SEMA6A: variants seen among roughly 807,000 people sequenced by gnomAD.
The protein encoded by SEMA6A is semaphorin 6A.
A neutral mutation model predicts 96.8 loss-of-function variants in SEMA6A; 25 were observed. That is an observed-to-expected ratio of 0.26 (90% CI 0.19 to 0.36). The LOEUF is 0.36. Ranked by LOEUF, SEMA6A falls within the 10% of genes least tolerant of loss-of-function variation. The probability of loss-of-function intolerance (pLI) is 1.00; values close to 1 mark genes in which losing one functional copy is unlikely to be tolerated. For synonymous variants in SEMA6A, 612 were observed against 518.0 expected (o/e 1.18, Z -2.46); for missense variants, 1,363 against 1,323.1 (o/e 1.03, Z -0.47).
chr5:116,540,661 A>G (rs17140061), intron 1 of SEMA6A, among the ~76,000 whole-genome samples: 5,716 of 152,204 alleles, frequency 0.038, 161 homozygotes, highest in Admixed American at 0.074. Flanking sequence ...AGCATCCCTC[A>G]TATTTCCTAT....
At chr5:116,473,491 A>T (rs1455958570) in intron 16 of SEMA6A, among the ~76,000 whole-genome samples, 2 of 152,178 alleles carry the variant, frequency 1.3e-5, no homozygotes, top group Non-Finnish European at 2.9e-5. Context: ...TTTTTACTTC[A>T]TCCTCACAAC....
chr5:116,501,605 A>G (rs1392415807), intron 3 of SEMA6A, among the ~76,000 whole-genome samples: 3 of 152,242 alleles, frequency 2.0e-5, no homozygotes, highest in Non-Finnish European at 4.4e-5. Flanking sequence ...AATAAGTATT[A>G]GGCCAGATGA....
intron 1 of SEMA6A, among the ~76,000 whole-genome samples, chr5:116,563,872 A>C (rs1413141244): frequency 6.6e-6 from 1 of 152,222 alleles, no homozygotes; most frequent in Non-Finnish European, 1.5e-5. Flanking sequence ...CATAATACTG[A>C]ATTTACAAAT....
intron 13 of SEMA6A, 29 bp downstream of exon 13, chr5:116,478,513 A>G (rs1447638322): frequency 6.4e-7 from 1 of 1,568,944 alleles, no homozygotes; most frequent in East Asian, 2.3e-5. Context: ...ACAAATAATT[A>G]CTAAGAAAGA....
intron 1 of SEMA6A, among the ~76,000 whole-genome samples, chr5:116,523,926 AT>A (rs1759086810): frequency 1.3e-5 from 2 of 152,240 alleles, no homozygotes; most frequent in Non-Finnish European, 2.9e-5. Context: ...ATAATTAGCC[AT>A]GATTCAAAAA....
chr5:116,521,562 CAT>C (rs1419525312), intron 1 of SEMA6A, among the ~76,000 whole-genome samples: 5 of 152,340 alleles, frequency 3.3e-5, no homozygotes, highest in South Asian at 4.1e-4. Context: ...TCCTTCAACA[CAT>C]GTGTGTTTAG....
Position 116,547,851 on chromosome 5 carries a change from A to G in SEMA6A, c.-39+26334T>C, listed in dbSNP as rs139306303. 2.9e-3 allele frequency among the ~76,000 whole-genome samples: 445 copies of G among 151,926 alleles called. 3 individuals are homozygous for G. The highest frequency in any genetic ancestry group is 0.01 in the African/African-American group (429 of 41,448). ...TCAGCACTGTTAATTAAGGTATATT[A>G]TACTCAGATCCTTGCAATATGTAAG... On this transcript the variant is annotated intron_variant, in intron 1 of 18. Coordinates refer to ENST00000343348, the MANE Select transcript of SEMA6A (RefSeq NM_020796.5).
At chr5:116,484,091 G>T (rs1756923723) in intron 10 of SEMA6A, among the ~76,000 whole-genome samples, 1 of 149,174 alleles carries the variant, frequency 6.7e-6, no homozygotes. Context: ...AAAAAAGACA[G>T]TGATTCTCAT....
At chr5:116,506,779 G>A (rs545334592) in intron 1 of SEMA6A, among the ~76,000 whole-genome samples, 1 of 152,138 alleles carries the variant, frequency 6.6e-6, no homozygotes, top group African/African-American at 2.4e-5. Context: ...AGAATTTGCA[G>A]CATATAATGA....
chr5:116,518,696 G>A (rs1043553370), intron 1 of SEMA6A, among the ~76,000 whole-genome samples: 4 of 152,192 alleles, frequency 2.6e-5, no homozygotes, highest in African/African-American at 9.7e-5. Flanking sequence ...CTTTCTTTGG[G>A]AGGAAATGGA....
intron 1 of SEMA6A, among the ~76,000 whole-genome samples, chr5:116,511,214 ATTAT>A (rs1220788986): frequency 5.3e-5 from 8 of 152,330 alleles, no homozygotes; most frequent in Admixed American, 3.9e-4. Context: ...TCATCTCTAG[ATTAT>A]TTATAATACA....
At chr5:116,468,766 C>T (rs764297439) in intron 17 of SEMA6A, 1 of 152,146 alleles carries the variant, frequency 6.6e-6, no homozygotes, top group Non-Finnish European at 1.5e-5. Flanking sequence ...ACAGAACAAC[C>T]TCTTGAACAA....
chr5:116,495,556 TACA>T, intron 5 of SEMA6A, 42 bp from the exon 6 acceptor site: 1 of 1,383,716 alleles, frequency 7.2e-7, no homozygotes, highest in Non-Finnish European at 1.0e-6. Flanking sequence ...GTCCATTCAG[TACA>T]GAAACTGATT....
chr5:116,538,349 C>G (rs1043583266), intron 1 of SEMA6A, among the ~76,000 whole-genome samples: 2 of 152,098 alleles, frequency 1.3e-5, no homozygotes, highest in East Asian at 3.8e-4. Flanking sequence ...TTCCTCAAAA[C>G]AATTTATTGC....
At chr5:116,476,904 T>C (rs1052250122) in intron 15 of SEMA6A, among the ~76,000 whole-genome samples, 1 of 152,254 alleles carries the variant, frequency 6.6e-6, no homozygotes, top group African/African-American at 2.4e-5. Context: ...TTTATAGTTA[T>C]CATCAGCTCT....
rs188565635 is a variant in SEMA6A, at chr5:116,525,585, C to T, written c.-38-20603G>A. Among the ~76,000 whole-genome samples the T allele has an allele frequency of 7.9e-4, 121 of 152,300 alleles. No individual in the cohort carries two copies. In the East Asian group the frequency reaches 0.018, roughly 23 times the overall value. ...CCCCCTGTCCTCAAAACTTCCCACC[C>T]ACAGCCTTCTGTGTCTTGCACTGGA... On this transcript the variant is annotated intron_variant, in intron 1 of 18. Transcript: ENST00000343348.
rs542325007 is a variant in SEMA6A, at chr5:116,484,066, GAAA to G, written c.963-1494_963-1492del. ...GCGACAGAGTGAGACTCTGTCTGAA[GAAA>G]AAAAAAAAAAAAAAAAAGACAGTGA... On this transcript the variant is annotated intron_variant, in intron 10 of 18. Coordinates refer to ENST00000343348, the MANE Select transcript of SEMA6A (RefSeq NM_020796.5). 1.2e-4 allele frequency among the ~76,000 whole-genome samples: 12 copies of G among 99,910 alleles called. No individual in the cohort carries two copies. The East Asian group carries it at 2.5e-3, about 21-fold the overall frequency. The allele number at this position is 99,910 out of a possible 152,430, so 65.5% of individuals were successfully genotyped here. A position where few individuals can be genotyped will look rare whatever the true frequency, so the allele number is the denominator to read the frequency against.
At chr5:116,469,695 T>C (rs961908590) in intron 17 of SEMA6A, among the ~76,000 whole-genome samples, 1 of 152,234 alleles carries the variant, frequency 6.6e-6, no homozygotes. Flanking sequence ...ATGCCATAAG[T>C]ATGGTTTAGG....
intron 16 of SEMA6A, among the ~76,000 whole-genome samples, chr5:116,473,851 G>A (rs1409390482): frequency 1.3e-5 from 2 of 152,208 alleles, no homozygotes; most frequent in East Asian, 3.9e-4. Context: ...GGCAGGCAGA[G>A]GGGCAGCCTT....
Sources: gnomAD v4.1 joint callset for allele counts (sites outside exome capture counted in the v4.1 genomes callset) on GRCh38, gnomAD v4.1.1 for gene constraint, MANE v1.5 for transcripts, NCBI Gene and HGNC (gene_info 2026-07-23, HGNC 2026-07-21) for gene names.